Variants in FHIT observed in about 807,000 individuals in gnomAD.
FHIT encodes the protein fragile histidine triad diadenosine triphosphatase.
A neutral mutation model predicts 17.9 loss-of-function variants in FHIT; 19 were observed. The ratio of observed to expected loss-of-function variants is 1.06; its 90% CI spans 0.74 to 1.56. The LOEUF is 1.56. Among genes scored for constraint, FHIT ranks in the 40% most tolerant of loss-of-function variants. FHIT has a pLI of 0.00. For missense variants in FHIT, 248 were observed against 189.2 expected, an observed-to-expected ratio of 1.31 and a Z score of -1.82; for synonymous variants, 81 against 69.7, an observed-to-expected ratio of 1.16 and a Z score of -0.81.
intron 8 of FHIT, among the ~76,000 whole-genome samples, chr3:59,824,441 C>T (rs111229465): frequency 0.01 from 1,579 of 152,330 alleles, 14 homozygotes; most frequent in Admixed American, 0.018. Context: ...AGCATAATAC[C>T]TGACATATAT....
At chr3:60,264,459 T>C (rs1310230830) in intron 5 of FHIT, among the ~76,000 whole-genome samples, 1 of 151,686 alleles carries the variant, frequency 6.6e-6, no homozygotes, top group Non-Finnish European at 1.5e-5. Context: ...TCATTAGAAA[T>C]ACTCAACTTA....
intron 4 of FHIT, among the ~76,000 whole-genome samples, chr3:60,605,117 G>C (rs556129240): frequency 1.3e-5 from 2 of 152,132 alleles, no homozygotes; most frequent in Admixed American, 6.5e-5. Flanking sequence ...CACACAGAGA[G>C]AGAGAGAGAG....
intron 4 of FHIT, among the ~76,000 whole-genome samples, chr3:60,629,987 C>T (rs563940246): frequency 2.6e-5 from 4 of 152,274 alleles, no homozygotes; most frequent in Non-Finnish European, 5.9e-5. Flanking sequence ...GGACCTTGCT[C>T]CTGTTCCTTT....
At chr3:61,094,304 T>A (rs1454103117) in intron 2 of FHIT, among the ~76,000 whole-genome samples, 1 of 152,206 alleles carries the variant, frequency 6.6e-6, no homozygotes, top group East Asian at 1.9e-4. Context: ...AACTCAGATC[T>A]GGGAGTTTGA....
intron 8 of FHIT, among the ~76,000 whole-genome samples, chr3:59,908,850 T>TTTTTTTTTTTTTTTTTTTTTTG (rs1553712872): frequency 3.3e-5 from 5 of 150,202 alleles, no homozygotes; most frequent in African/African-American, 7.3e-5. Flanking sequence ...TTTCATTTTT[T>TTTTTTTTTTTTTTTTTTTTTTG]AATAGTCCAA....
intron 4 of FHIT, among the ~76,000 whole-genome samples, chr3:60,770,805 A>G (rs542411877): frequency 6.6e-6 from 1 of 152,232 alleles, no homozygotes; most frequent in Non-Finnish European, 1.5e-5. Flanking sequence ...CTTAGCCTCA[A>G]GCTTATTTCT....
intron 4 of FHIT, among the ~76,000 whole-genome samples, chr3:60,626,825 G>T (rs2039302860): frequency 7.2e-6 from 1 of 138,156 alleles, no homozygotes. Context: ...GATATGAGCT[G>T]TGAATTTTTA....
Position 60,081,910 on chromosome 3 carries a change from A to ATT in FHIT, c.104-67760_104-67759dup, listed in dbSNP as rs111658268. ...GTACAATAACCACAAACGTTAAGTG[A>ATT]TTTTTTTTTTTGTTCTACAAACTCG... On this transcript the variant is annotated intron_variant, in intron 5 of 9. Transcript: ENST00000492590. 4.7e-4 allele frequency among the ~76,000 whole-genome samples: 70 copies of ATT among 149,460 alleles called. 1 individual carries two copies. The South Asian group carries it at 0.01, about 22-fold the overall frequency.
At chr3:59,807,936 T>G (rs905437868) in intron 8 of FHIT, among the ~76,000 whole-genome samples, 1 of 152,208 alleles carries the variant, frequency 6.6e-6, no homozygotes, top group African/African-American at 2.4e-5. Flanking sequence ...ACACATAACG[T>G]AAAATCCACC....
chr3:60,404,170 CT>C (rs201518625), intron 5 of FHIT, among the ~76,000 whole-genome samples: 1,586 of 152,246 alleles, frequency 0.01, 30 homozygotes, highest in African/African-American at 0.036. Context: ...AAAATCCCTA[CT>C]TTTTTTGCGT....
chr3:60,048,456 G>C (rs558232898), intron 5 of FHIT, among the ~76,000 whole-genome samples: 1 of 152,156 alleles, frequency 6.6e-6, no homozygotes, highest in Admixed American at 6.5e-5. Flanking sequence ...GATTACAGGC[G>C]TGAGTCTCTA....
At chr3:59,999,079 T>C (rs1464756325) in intron 7 of FHIT, among the ~76,000 whole-genome samples, 1 of 152,074 alleles carries the variant, frequency 6.6e-6, no homozygotes, top group Non-Finnish European at 1.5e-5. Flanking sequence ...CTTACAACAA[T>C]CAATAATAAT....
intron 5 of FHIT, among the ~76,000 whole-genome samples, chr3:60,320,436 G>A (rs1390600876): frequency 6.6e-6 from 1 of 151,574 alleles, no homozygotes; most frequent in African/African-American, 2.4e-5. Context: ...AACTGGAGAG[G>A]AAAAAAAATA....
intron 4 of FHIT, among the ~76,000 whole-genome samples, chr3:60,569,730 T>TATATATATATATATATATAC (rs1553654678): frequency 2.3e-3 from 35 of 15,256 alleles, no homozygotes; most frequent in African/African-American, 8.9e-3. Flanking sequence ...TAATACTATA[T>TATATATATATATATATATAC]ATATATATAT....
intron 5 of FHIT, among the ~76,000 whole-genome samples, chr3:60,171,353 G>A (rs1701408072): frequency 6.6e-6 from 1 of 152,270 alleles, no homozygotes; most frequent in Non-Finnish European, 1.5e-5. Context: ...GAAGGTTTAT[G>A]TGTACTTGGA....
At chr3:59,858,661 A>G (rs1038834167) in intron 8 of FHIT, among the ~76,000 whole-genome samples, 2 of 152,056 alleles carry the variant, frequency 1.3e-5, no homozygotes, top group African/African-American at 4.8e-5. Context: ...GGGGTGCTGC[A>G]TGGATGGGGG....
At chr3:60,052,655 T>C (rs1230588178) in intron 5 of FHIT, among the ~76,000 whole-genome samples, 1 of 151,590 alleles carries the variant, frequency 6.6e-6, no homozygotes, top group African/African-American at 2.4e-5. Flanking sequence ...ACCTGATCTT[T>C]TACAAACAGG....
intron 5 of FHIT, among the ~76,000 whole-genome samples, chr3:60,344,972 G>C (rs1341261942): frequency 6.6e-6 from 1 of 152,108 alleles, no homozygotes; most frequent in Non-Finnish European, 1.5e-5. Context: ...AATCCCAGAT[G>C]TTACTTAAGG....
At chr3:60,174,852 C>T (rs1332791951) in intron 5 of FHIT, among the ~76,000 whole-genome samples, 10 of 152,116 alleles carry the variant, frequency 6.6e-5, no homozygotes, top group East Asian at 3.9e-4. Context: ...AAATGACCAA[C>T]GTGCTTTCTG....
Sources: gnomAD v4.1 joint callset for allele counts (sites outside exome capture counted in the v4.1 genomes callset) on GRCh38, gnomAD v4.1.1 for gene constraint, MANE v1.5 for transcripts, NCBI Gene and HGNC (gene_info 2026-07-23, HGNC 2026-07-21) for gene names.